SERPINI1: variants seen among roughly 807,000 people sequenced by gnomAD.
SERPINI1 encodes the protein serpin family I member 1.
SERPINI1 carries 19 observed loss-of-function variants against 41.1 expected under a neutral mutation model. The observed-to-expected ratio is 0.46, with a 90% confidence interval of 0.32 to 0.68. SERPINI1 has a LOEUF of 0.68. SERPINI1 is among the 30% of genes least tolerant of loss of function. The pLI, the probability that SERPINI1 is intolerant of heterozygous loss-of-function variation, is 0.03. For synonymous variants in SERPINI1, 138 were observed against 156.6 expected (o/e 0.88, Z 0.89); for missense variants, 460 against 479.2 (o/e 0.96, Z 0.37).
chr3:167,742,979 C>A (rs1306265846), intron 1 of SERPINI1, among the ~76,000 whole-genome samples: 1 of 152,044 alleles, frequency 6.6e-6, no homozygotes, highest in Non-Finnish European at 1.5e-5. Context: ...AAAAGGCCAT[C>A]TAGCTAATAT....
At chr3:167,769,228 G>C (rs950876852) in intron 1 of SERPINI1, among the ~76,000 whole-genome samples, 3 of 152,060 alleles carry the variant, frequency 2.0e-5, no homozygotes, top group African/African-American at 7.2e-5. Context: ...TCTTGACCTT[G>C]TGATCCACCC....
chr3:167,792,331 T>TTA lies in SERPINI1; in HGVS notation c.482-248_482-247dup, dbSNP rs962990869. ...GTTTTGAATGCCCTTAATTTCTTTT[T>TTA]TATATATATATACACACACATATAT... is the stretch of plus-strand genomic sequence containing the variant. On this transcript the variant is annotated intron_variant, in intron 3 of 8. Coordinates refer to ENST00000446050, the MANE Select transcript of SERPINI1 (RefSeq NM_001122752.2). 1.0e-4 allele frequency among the ~76,000 whole-genome samples: 15 copies of TTA among 149,932 alleles called. No individual in the cohort carries two copies. In the East Asian group the frequency reaches 1.6e-3, roughly 16 times the overall value.
intron 1 of SERPINI1, among the ~76,000 whole-genome samples, chr3:167,750,907 A>G (rs1355819474): frequency 1.3e-5 from 2 of 152,152 alleles, no homozygotes; most frequent in Non-Finnish European, 2.9e-5. Flanking sequence ...TTCTTCAACT[A>G]TGAATTCTCT....
Position 167,750,911 on chromosome 3 carries a change from A to G in SERPINI1, c.-19+15088A>G, listed in dbSNP as rs1383087250. ...TGTACCTTGCATTCTTCAACTATGA[A>G]TTCTCTTGCATTCTTAAAAAATTAG... is the stretch of plus-strand genomic sequence containing the variant. On this transcript the variant is annotated intron_variant, in intron 1 of 8. Coordinates refer to ENST00000446050, the MANE Select transcript of SERPINI1 (RefSeq NM_001122752.2). Among the ~76,000 whole-genome samples, 24 of 152,166 alleles carry G rather than the reference A, an allele frequency of 1.6e-4. 1 individual carries two copies. The highest frequency in any genetic ancestry group is 1.6e-3 in the Admixed American group (24 of 15,276).
At chr3:167,795,358 C>T (rs1301709836) in intron 5 of SERPINI1, among the ~76,000 whole-genome samples, 2 of 152,180 alleles carry the variant, frequency 1.3e-5, no homozygotes, top group Non-Finnish European at 2.9e-5. Context: ...ATAAGATGCA[C>T]ACAATGCCTT....
intron 1 of SERPINI1, among the ~76,000 whole-genome samples, chr3:167,738,863 A>G (rs1288384995): frequency 8.6e-5 from 13 of 151,176 alleles, no homozygotes; most frequent in Admixed American, 8.6e-4. Flanking sequence ...TTGAATATTC[A>G]TGGATTATTA....
intron 1 of SERPINI1, among the ~76,000 whole-genome samples, chr3:167,768,003 A>G (rs1223476286): frequency 6.6e-6 from 1 of 152,232 alleles, no homozygotes; most frequent in Non-Finnish European, 1.5e-5. Flanking sequence ...TGATAAAGCA[A>G]TGGTAGGGTT....
chr3:167,799,992 G>T (rs905239032), intron 5 of SERPINI1: 104 of 152,236 alleles, frequency 6.8e-4, no homozygotes, highest in African/African-American at 2.4e-3. Flanking sequence ...ATATGCAGGG[G>T]AGGGTCGTGT....
Position 167,763,443 on chromosome 3 carries a change from G to T in SERPINI1, c.-18-25668G>T, listed in dbSNP as rs367904373. ...CACCCAGGCTCAAGTGTAGCGGTGTGATCTTGGCTCACTGCAACCTCCACC... is the reference window on the plus strand; with the variant it reads ...CACCCAGGCTCAAGTGTAGCGGTGTTATCTTGGCTCACTGCAACCTCCACC... On this transcript the variant is annotated intron_variant, in intron 1 of 8. Transcript: ENST00000446050. Among the ~76,000 whole-genome samples, 5 of 151,748 alleles carry T rather than the reference G, an allele frequency of 3.3e-5. No individual in the cohort carries two copies. In the East Asian group the frequency reaches 9.7e-4, roughly 29 times the overall value.
chr3:167,807,159 A>G, intron 5 of SERPINI1, 85 bp from the exon 6 acceptor site: 1 of 943,732 alleles, frequency 1.1e-6, no homozygotes, highest in Non-Finnish European at 1.7e-6. Flanking sequence ...AGCAGACTTT[A>G]AATATCCACA....
At chr3:167,765,279 A>C (rs1312580400) in intron 1 of SERPINI1, among the ~76,000 whole-genome samples, 3 of 152,250 alleles carry the variant, frequency 2.0e-5, no homozygotes, top group East Asian at 3.8e-4. Flanking sequence ...AGGCGTTTGC[A>C]TACATCTTCT....
intron 5 of SERPINI1, among the ~76,000 whole-genome samples, chr3:167,802,347 A>G (rs1450792048): frequency 8.6e-5 from 13 of 151,230 alleles, no homozygotes; most frequent in South Asian, 2.1e-4. Flanking sequence ...GCAACCTACA[A>G]AATGGGAGAA....
At position 167,807,672 on chromosome 3, in the gene SERPINI1, A is replaced by G. The variant is rs144841726; in HGVS notation, c.979+331A>G. Among the ~76,000 whole-genome samples the G allele has an allele frequency of 2.9e-4, 44 of 152,314 alleles. 1 individual carries two copies. In the East Asian group the frequency reaches 8.1e-3, roughly 28 times the overall value. ...ATAAATGTGTTGATTGACTATCTCA[A>G]TATGTCCCATTGTAGTAAATCATGT... On this transcript the variant is annotated intron_variant, in intron 6 of 8. Coordinates refer to ENST00000446050, the MANE Select transcript of SERPINI1 (RefSeq NM_001122752.2).
At chr3:167,763,621 G>A (rs1195909703) in intron 1 of SERPINI1, among the ~76,000 whole-genome samples, 1 of 152,100 alleles carries the variant, frequency 6.6e-6, no homozygotes, top group Non-Finnish European at 1.5e-5. Flanking sequence ...TTACTGACAG[G>A]CATATCCCAG....
At chr3:167,799,711 T>A (rs531724729) in intron 5 of SERPINI1, among the ~76,000 whole-genome samples, 2 of 152,182 alleles carry the variant, frequency 1.3e-5, no homozygotes, top group Non-Finnish European at 2.9e-5. Flanking sequence ...CCTGTTGTTT[T>A]CTGACTTTTT....
chr3:167,805,833 C>G (rs1560014428), intron 5 of SERPINI1, among the ~76,000 whole-genome samples: 1 of 152,046 alleles, frequency 6.6e-6, no homozygotes, highest in Non-Finnish European at 1.5e-5. Flanking sequence ...TCAGGTTTGT[C>G]AAAGATCAGA....
chr3:167,763,114 A>G (rs1726439973), intron 1 of SERPINI1, among the ~76,000 whole-genome samples: 1 of 152,162 alleles, frequency 6.6e-6, no homozygotes, highest in Admixed American at 6.5e-5. Flanking sequence ...TTGAGTGCAG[A>G]CTTGGGCCAA....
intron 5 of SERPINI1, among the ~76,000 whole-genome samples, chr3:167,799,326 G>A (rs1294706490): frequency 6.6e-6 from 1 of 152,090 alleles, no homozygotes; most frequent in Non-Finnish European, 1.5e-5. Flanking sequence ...GTTTGCTGAG[G>A]ATGATGCTTT....
intron 6 of SERPINI1, among the ~76,000 whole-genome samples, chr3:167,819,528 T>A (rs984453643): frequency 3.9e-5 from 6 of 152,350 alleles, no homozygotes; most frequent in African/African-American, 1.2e-4. Flanking sequence ...AAATGGACTA[T>A]TTAATAATGC....
Sources: gnomAD v4.1 joint callset for allele counts (sites outside exome capture counted in the v4.1 genomes callset) on GRCh38, gnomAD v4.1.1 for gene constraint, MANE v1.5 for transcripts, NCBI Gene and HGNC (gene_info 2026-07-23, HGNC 2026-07-21) for gene names.